The following MDM1 variants were observed in gnomAD, a reference collection of about 807,000 sequenced individuals.
MDM1 encodes the protein Mdm1 nuclear protein.
In MDM1, 61 loss-of-function variants were observed where a neutral mutation model predicts 89.1. The observed-to-expected ratio is 0.68, with a 90% confidence interval of 0.56 to 0.85. MDM1 has a LOEUF of 0.85. Among genes scored for constraint, MDM1 ranks in the 40% least tolerant of loss-of-function variants. The probability of loss-of-function intolerance (pLI) is 0.00; values close to 1 mark genes in which losing one functional copy is unlikely to be tolerated. For missense variants in MDM1, 820 were observed against 846.5 expected, an observed-to-expected ratio of 0.97 and a Z score of 0.39; for synonymous variants, 290 against 294.1, an observed-to-expected ratio of 0.99 and a Z score of 0.14.
rs1227113790 is a variant in MDM1, at chr12:68,312,799, AAC to A, written c.1749+642_1749+643del. ...TCATTCTCTCTCTCTCTCTTCCAGC[AAC>A]AGTGACCTTCTAGCTGTTCCTCAAG... On this transcript the variant is annotated intron_variant, in intron 12 of 14. Coordinates refer to ENST00000682720, the MANE Select transcript of MDM1 (RefSeq NM_001354969.2). Among the ~76,000 whole-genome samples the A allele has an allele frequency of 3.3e-5, 5 of 152,154 alleles. No homozygotes were observed. The East Asian group carries it at 9.7e-4, about 29-fold the overall frequency.
chr12:68,302,331 G>T lies in MDM1; in HGVS notation c.2002+289C>A, dbSNP rs547038243. ...GCAATGTCTGGAGACATTTTTGGTT[G>T]TCACATCCAGAGAAGAGGTGCTACT... On this transcript the variant is annotated intron_variant, in intron 13 of 14. Coordinates refer to ENST00000682720, the MANE Select transcript of MDM1 (RefSeq NM_001354969.2). 4.6e-5 allele frequency among the ~76,000 whole-genome samples: 7 copies of T among 152,314 alleles called. No individual in the cohort carries two copies. The South Asian group carries it at 1.5e-3, about 32-fold the overall frequency.
At chr12:68,313,583 C>T (rs771032925) in intron 11 of MDM1, 31 bp from the exon 12 acceptor site, 3 of 1,608,210 alleles carry the variant, frequency 1.9e-6, no homozygotes, top group Non-Finnish European at 2.6e-6. Context: ...GTTTCAATTA[C>T]ACTAAATTAA....
At chr12:68,325,689 T>G in intron 3 of MDM1, 114 bp from the exon 4 acceptor site, 1 of 1,361,456 alleles carries the variant, frequency 7.3e-7, no homozygotes, top group Non-Finnish European at 9.5e-7. Context: ...AAATGTTAAA[T>G]CTACAGTGCA....
At position 68,325,594 on chromosome 12, in the gene MDM1, CCACT is replaced by C; in HGVS notation, c.499-23_499-20del. 1.3e-6 allele frequency: 2 copies of C among 1,492,998 alleles called. No homozygotes were observed. The highest frequency in any genetic ancestry group is 1.8e-6 in the Non-Finnish European group (2 of 1,120,922). 92.5% of individuals were successfully genotyped at this position (1,492,998 alleles called of 1,614,324 possible). On this transcript the variant is annotated intron_variant, in intron 3 of 14. Transcript: ENST00000682720. Reference sequence around the variant, plus strand: ...TATCCAACTGTTCAAAAAACAAAATCCACTCAAAGACATTAAAAATTTCTATTCA... The same window carrying C: ...TATCCAACTGTTCAAAAAACAAAATCCAAAGACATTAAAAATTTCTATTCA...
intron 12 of MDM1, among the ~76,000 whole-genome samples, chr12:68,309,909 A>C (rs2120905424): frequency 1.3e-5 from 2 of 152,324 alleles, no homozygotes; most frequent in South Asian, 4.1e-4. Context: ...GGTCGCAGAA[A>C]ATTCACATGG....
chr12:68,295,430 T>C, intron 14 of MDM1, 64 bp from the exon 15 acceptor site: 2 of 1,029,222 alleles, frequency 1.9e-6, no homozygotes, highest in Non-Finnish European at 2.9e-6. Flanking sequence ...AAACATTGTG[T>C]TTTATATAAC....
intron 2 of MDM1, chr12:68,327,397 G>A (rs1298412137): frequency 6.5e-7 from 1 of 1,535,610 alleles, no homozygotes. Flanking sequence ...ATGGGCCCTG[G>A]TACTGTCAAA....
intron 12 of MDM1, among the ~76,000 whole-genome samples, chr12:68,308,657 T>C (rs1411763095): frequency 2.0e-5 from 3 of 152,200 alleles, no homozygotes; most frequent in African/African-American, 7.2e-5. Flanking sequence ...CCAATGAAAA[T>C]GTAAGCTTCA....
chr12:68,330,980 C>T, intron 2 of MDM1, 127 bp downstream of exon 2: 1 of 646,922 alleles, frequency 1.5e-6, no homozygotes, highest in East Asian at 2.5e-5. Flanking sequence ...ATCAACCAGG[C>T]CAACTGAACT....
intron 10 of MDM1, 126 bp from the exon 11 acceptor site, chr12:68,313,879 C>T (rs555495904): frequency 1.9e-5 from 14 of 732,180 alleles, no homozygotes; most frequent in East Asian, 5.7e-5. Flanking sequence ...CGGTGGCTCA[C>T]GCCCGTAATC....
At chr12:68,316,437 A>G in intron 8 of MDM1, 144 bp downstream of exon 8, 1 of 923,230 alleles carries the variant, frequency 1.1e-6, no homozygotes, top group Non-Finnish European at 1.6e-6. Context: ...AAGCTAAAGC[A>G]TGATGCAGTT....
chr12:68,316,127 T>C lies in MDM1; in HGVS notation c.1162A>G (p.Ser388Gly), dbSNP rs747202684. ...TTGCTACTAACGGTTCCTTCTGAGC[T>C]TGTGGTTGAGGAGACATCCCAACAG... ...NCCWDVSSTT[S>G]SEGTVSSNIR... Residue 388 changes from serine (S) to glycine (G), a missense_variant, in exon 9 of 15, where the codon AGC (serine) becomes GGC (glycine). Coordinates refer to ENST00000682720, the MANE Select transcript of MDM1 (RefSeq NM_001354969.2). The C allele has an allele frequency of 6.8e-6, 11 of 1,613,950 alleles. No homozygotes were observed. The highest frequency in any genetic ancestry group is 9.3e-6 in the Non-Finnish European group (11 of 1,179,970).
chr12:68,299,078 C>A (rs1871796802), intron 13 of MDM1, among the ~76,000 whole-genome samples: 1 of 151,782 alleles, frequency 6.6e-6, no homozygotes, highest in Non-Finnish European at 1.5e-5. Context: ...TAAACTATAA[C>A]AAATTATAAT....
intron 7 of MDM1, among the ~76,000 whole-genome samples, chr12:68,317,947 T>A (rs1193398717): frequency 6.6e-6 from 1 of 152,184 alleles, no homozygotes; most frequent in African/African-American, 2.4e-5. Flanking sequence ...CACATCCCCA[T>A]TAATACATAT....
chr12:68,325,207 T>C, intron 4 of MDM1: 1 of 1,125,636 alleles, frequency 8.9e-7, no homozygotes, highest in Non-Finnish European at 1.1e-6. Flanking sequence ...GTCTCATATT[T>C]AGTATATGTG....
rs749098055 is a variant in MDM1 at position 68,325,486 on chromosome 12, A to G, written c.588T>C (p.Val196=). The G allele has an allele frequency of 5.0e-6, 8 of 1,598,446 alleles. No individual in the cohort carries two copies. The South Asian group carries it at 8.1e-5, about 16-fold the overall frequency. ...LRNSEYQRQF[V]WKTSKETAPA... The stretch of plus-strand genomic sequence containing the variant: ...GAGCAGTTTCTTTAGAAGTCTTCCA[A>G]ACAAACTGCCTTTGATATTCAGAAT... Residue 196 remains valine, a synonymous_variant, in exon 4 of 15, where the codon GTT becomes GTC. Coordinates refer to ENST00000682720, the MANE Select transcript of MDM1 (RefSeq NM_001354969.2).
At position 68,296,936 on chromosome 12, in the gene MDM1, G is replaced by A; in HGVS notation, c.2049C>T (p.Ala683=). 5 of 1,589,034 alleles carry A rather than the reference G, an allele frequency of 3.1e-6. No homozygotes were observed. The highest frequency in any genetic ancestry group is 4.3e-6 in the Non-Finnish European group (5 of 1,170,284). Residue 683 remains alanine, a synonymous_variant, in exon 14 of 15, where the codon GCC becomes GCT. Transcript: ENST00000682720. The part of the protein sequence containing the change: ...MNNLQLPQHE[A]FNDEDEDRLS... The stretch of plus-strand genomic sequence containing the variant: ...CTACTGAAATACCTTCATCATTAAA[G>A]GCTTCATGTTGAGGTAACTGCAAAT...
chr12:68,303,381 A>C (rs1196181984), intron 12 of MDM1, among the ~76,000 whole-genome samples: 1 of 152,198 alleles, frequency 6.6e-6, no homozygotes, highest in African/African-American at 2.4e-5. Flanking sequence ...GATGTAGAGA[A>C]ACTGGCAACC....
At chr12:68,304,227 G>A (rs923171279) in intron 12 of MDM1, among the ~76,000 whole-genome samples, 1 of 151,944 alleles carries the variant, frequency 6.6e-6, no homozygotes, top group African/African-American at 2.4e-5. Context: ...TGGTCAACAC[G>A]GCGAGACCCC....
Sources: gnomAD v4.1 joint callset for allele counts (sites outside exome capture counted in the v4.1 genomes callset) on GRCh38, gnomAD v4.1.1 for gene constraint, MANE v1.5 for transcripts, NCBI Gene and HGNC (gene_info 2026-07-23, HGNC 2026-07-21) for gene names.